Variants in ALOX12B observed in about 807,000 individuals in gnomAD.
The protein encoded by ALOX12B is arachidonate 12-lipoxygenase, 12R type.
In ALOX12B, 47 loss-of-function variants were observed where a neutral mutation model predicts 78.9. That is an observed-to-expected ratio of 0.60 (90% CI 0.47 to 0.76). The LOEUF is 0.76. Among genes scored for constraint, ALOX12B ranks in the 30% least tolerant of loss-of-function variants. ALOX12B has a pLI of 0.00. For missense variants in ALOX12B, 805 were observed against 922.6 expected (o/e 0.87, Z 1.65); for synonymous variants, 370 against 374.5 (o/e 0.99, Z 0.14).
chr17:8,073,561 G>A (rs972430701), intron 13 of ALOX12B, 96 bp downstream of exon 13: 35 of 1,212,936 alleles, frequency 2.9e-5, no homozygotes, highest in Non-Finnish European at 4.2e-5. Flanking sequence ...GCTGGACCAG[G>A]GATTATGGCT....
chr17:8,078,728 G>A (rs1021380611), intron 8 of ALOX12B, among the ~76,000 whole-genome samples: 4 of 152,044 alleles, frequency 2.6e-5, no homozygotes, highest in South Asian at 2.1e-4. Flanking sequence ...GCCTTGCAAG[G>A]TGCATCTCCA....
chr17:8,079,863 C>T lies in ALOX12B; in HGVS notation c.833G>A (p.Arg278His), dbSNP rs762160514. The T allele has an allele frequency of 6.2e-6, 10 of 1,613,464 alleles. No homozygotes were observed. In the East Asian group the frequency reaches 6.7e-5, roughly 11 times the overall value. The change falls in exon 7 of 15, where the codon CGC becomes CAC. Residue 278 changes from arginine (R) to histidine (H), a missense_variant. By Grantham distance (29) the Arg-to-His change is conservative. Transcript: ENST00000647874. This position sits in a 1 kb window ranked among gnomAD's most constrained non-coding sequence, Gnocchi z 6.4. ...CTTGTCTGGGATCCGCGTGCAGCGG[C>T]GGATCAGGCCGGGGTTGACGCCGTT... ...YLNGVNPGLI[R>H]RCTRIPDKFP...
chr17:8,086,920 T>C (rs1978300695), intron 1 of ALOX12B, among the ~76,000 whole-genome samples: 1 of 150,526 alleles, frequency 6.6e-6, no homozygotes, highest in African/African-American at 2.5e-5. Context: ...AGATGCAGGA[T>C]AGGCAGAGAC....
Position 8,086,116 on chromosome 17 carries a change from G to A in ALOX12B, c.252C>T (p.Cys84=). The A allele has an allele frequency of 6.2e-7, 1 of 1,614,192 alleles. No individual in the cohort carries two copies. Among genetic ancestry groups the A allele is most frequent in the Non-Finnish European group, 8.5e-7 (1 of 1,180,016 alleles). ...YAFFPKDPWY[C]NYVQICAPNG... The stretch of plus-strand genomic sequence containing the variant: ...TGGGGGCACAGATCTGCACATAGTT[G>A]CAGTACCAAGGGTCCTTGGGGAAGA... The change falls in exon 2 of 15, where the codon TGC becomes TGT. Residue 84 remains cysteine, a synonymous_variant. Transcript: ENST00000647874.
chr17:8,075,610 C>G lies in ALOX12B; in HGVS notation c.1639G>C (p.Gly547Arg), dbSNP rs374183106. ...VQEIFKECLL[G>R]RESSGFPRCL... Reference sequence around the variant, plus strand: ...AGGCCCATACCTGAGCTCTCCCGCCCCAGGAGGCACTCTTTAAATATTTCC... The same window carrying G: ...AGGCCCATACCTGAGCTCTCCCGCCGCAGGAGGCACTCTTTAAATATTTCC... The change falls in exon 12 of 15, where the codon GGG becomes CGG. Residue 547 changes from glycine (G) to arginine (R), a missense_variant. Physicochemically the swap from Gly to Arg is moderately radical, Grantham distance 125 (BLOSUM62 -2). Coordinates refer to ENST00000647874, the MANE Select transcript of ALOX12B (RefSeq NM_001139.3). 1.9e-6 allele frequency: 3 copies of G among 1,614,062 alleles called. No individual in the cohort carries two copies. The highest frequency in any genetic ancestry group is 2.7e-5 in the African/African-American group (2 of 74,922).
chr17:8,080,140 C>T lies in ALOX12B; in HGVS notation c.754+95G>A. The T allele has an allele frequency of 1.3e-6, 2 of 1,502,896 alleles. No homozygotes were observed. The highest frequency in any genetic ancestry group is 1.1e-5 in the South Asian group (1 of 88,586). 93.1% of individuals were successfully genotyped at this position (1,502,896 alleles called of 1,614,324 possible). On this transcript the variant is annotated intron_variant, in intron 6 of 14. Transcript: ENST00000647874. The surrounding 1 kb of genome is among the most constrained non-coding windows in gnomAD (Gnocchi z 4.8). The stretch of plus-strand genomic sequence containing the variant: ...AGAGGGCGCGCGCGCGCCTCGCTGC[C>T]TCTCCCGTCCCACTGCCCCGAAGTC...
intron 14 of ALOX12B, 45 bp downstream of exon 14, chr17:8,073,103 T>A (rs199517112): frequency 3.1e-6 from 5 of 1,612,972 alleles, no homozygotes; most frequent in Non-Finnish European, 4.2e-6. Context: ...ATCCCCGGCT[T>A]CTGGTCCCCT....
chr17:8,087,193 C>A (rs1054325053), intron 1 of ALOX12B, 103 bp downstream of exon 1: 4 of 1,531,956 alleles, frequency 2.6e-6, no homozygotes, highest in Non-Finnish European at 8.8e-7. Flanking sequence ...ACCTTCACCC[C>A]TCCCGGGGCC....
chr17:8,072,688 T>G lies in ALOX12B; in HGVS notation c.*83A>C, dbSNP rs772587268. ...TGTTTGGTGTTTTGGTCTCTGAGGTTTTTGTGTTTTTTGCTTGTTTGTTTT... is the reference window on the plus strand; with the variant it reads ...TGTTTGGTGTTTTGGTCTCTGAGGTGTTTGTGTTTTTTGCTTGTTTGTTTT... On this transcript the variant is annotated 3_prime_UTR_variant, in exon 15 of 15. Coordinates refer to ENST00000647874, the MANE Select transcript of ALOX12B (RefSeq NM_001139.3). 6.0e-5 allele frequency: 94 copies of G among 1,568,416 alleles called. No individual in the cohort carries two copies. Among genetic ancestry groups the G allele is most frequent in the Non-Finnish European group, 7.7e-5 (88 of 1,139,828 alleles).
At chr17:8,081,258 A>G in intron 2 of ALOX12B, 71 bp from the exon 3 acceptor site, 1 of 1,507,074 alleles carries the variant, frequency 6.6e-7, no homozygotes. Context: ...GCAGGAGTTC[A>G]GCTTCTGTGC....
At chr17:8,073,577 T>C (rs532901834) in intron 13 of ALOX12B, 80 bp downstream of exon 13, 1 of 1,323,574 alleles carries the variant, frequency 7.6e-7, no homozygotes, top group Non-Finnish European at 1.1e-6. Flanking sequence ...TGGCTGAGGC[T>C]GGGTTTGAGG....
In ALOX12B at chr17:8,079,441, C is replaced by G. The variant is rs970832830; in HGVS notation, c.1026G>C (p.Leu342=). ...RKQHHCAPLC[L]LHFGPEGKMM... ...TCTTGCCCTCGGGTCCAAAGTGCAGCAGGCAGAGGGGGGCGCAGTGGTGCT... is the reference window on the plus strand; with the variant it reads ...TCTTGCCCTCGGGTCCAAAGTGCAGGAGGCAGAGGGGGGCGCAGTGGTGCT... Residue 342 remains leucine, a synonymous_variant, in exon 8 of 15, where the codon CTG becomes CTC. Transcript: ENST00000647874. This position sits in a 1 kb window ranked among gnomAD's most constrained non-coding sequence, Gnocchi z 6.4. 2 of 1,551,210 alleles carry G rather than the reference C, an allele frequency of 1.3e-6. No individual in the cohort carries two copies. Among genetic ancestry groups the G allele is most frequent in the African/African-American group, 2.7e-5 (2 of 73,118 alleles).
Position 8,076,451 on chromosome 17 carries a change from C to T in ALOX12B, c.1363-107G>A. On this transcript the variant is annotated intron_variant, in intron 10 of 14. Coordinates refer to ENST00000647874, the MANE Select transcript of ALOX12B (RefSeq NM_001139.3). Reference sequence around the variant, plus strand: ...CCTGTAACCCCTGACCCAGCCCACCCCACCTCCAGGAACAATCCTGCTCTG... The same window carrying T: ...CCTGTAACCCCTGACCCAGCCCACCTCACCTCCAGGAACAATCCTGCTCTG... 3.6e-6 allele frequency: 5 copies of T among 1,407,930 alleles called. No individual in the cohort carries two copies. In the South Asian group the frequency reaches 5.2e-5, roughly 15 times the overall value. The allele number at this position is 1,407,930 out of a possible 1,614,324, so 87.2% of individuals were successfully genotyped here. A position where few individuals can be genotyped will look rare whatever the true frequency, so the allele number is the denominator to read the frequency against.
At chr17:8,076,914 C>T in intron 9 of ALOX12B, 76 bp downstream of exon 9, 1 of 1,514,942 alleles carries the variant, frequency 6.6e-7, no homozygotes, top group African/African-American at 1.4e-5. Flanking sequence ...TCTGACTGCT[C>T]AGTGGGCCTG....
chr17:8,073,093 A>G, intron 14 of ALOX12B, 55 bp downstream of exon 14: 1 of 1,611,382 alleles, frequency 6.2e-7, no homozygotes, highest in Non-Finnish European at 8.5e-7. Context: ...ATCCTCCCCC[A>G]TCCCCGGCTT....
chr17:8,079,294 T>C lies in ALOX12B; in HGVS notation c.1071+102A>G. On this transcript the variant is annotated intron_variant, in intron 8 of 14. Coordinates refer to ENST00000647874, the MANE Select transcript of ALOX12B (RefSeq NM_001139.3). This position sits in a 1 kb window ranked among gnomAD's most constrained non-coding sequence, Gnocchi z 6.4. ...TCTCTCAAGGATAACGAGAGACGGC[T>C]GAATACATGCAGGTCCACACGCTCA... 1 of 1,487,024 alleles carries C rather than the reference T, an allele frequency of 6.7e-7. No individual in the cohort carries two copies. Among genetic ancestry groups the C allele is most frequent in the South Asian group, 1.3e-5 (1 of 79,218 alleles). The allele number at this position is 1,487,024 out of a possible 1,614,324, so 92.1% of individuals were successfully genotyped here. A position where few individuals can be genotyped will look rare whatever the true frequency, so the allele number is the denominator to read the frequency against.
chr17:8,074,776 G>A (rs1266947899), intron 12 of ALOX12B, among the ~76,000 whole-genome samples: 1 of 152,180 alleles, frequency 6.6e-6, no homozygotes, highest in African/African-American at 2.4e-5. Context: ...CTAAGCTCCA[G>A]TTGCAGAGAA....
rs1326679552 is a variant in ALOX12B at position 8,079,778 on chromosome 17, C to G, written c.918G>C (p.Ala306=). The G allele has an allele frequency of 6.2e-7, 1 of 1,612,266 alleles. No individual in the cohort carries two copies. Among genetic ancestry groups the G allele is most frequent in the Admixed American group, 1.7e-5 (1 of 59,956 alleles). Residue 306 remains alanine (A), a synonymous_variant, in exon 7 of 15, where the codon GCG becomes GCC. Transcript: ENST00000647874. The surrounding 1 kb of genome is among the most constrained non-coding windows in gnomAD (Gnocchi z 6.4). ...CCGGAGCGGGCCTCACCTCCAGCTC[C>G]GCTTGCAAGCACGTTCCCTCGCCCA... The part of the protein sequence containing the change: ...PFLGEGTCLQ[A]ELEKGNIYLA...
At position 8,080,991 on chromosome 17, in the gene ALOX12B, G is replaced by A. The variant is rs1396134334; in HGVS notation, c.435-15C>T. Reference sequence around the variant, plus strand: ...AGACTCGCCAGCTGCAAGGGAAACCGAGATGTCACCCTCATGCCCGTGCAC... The same window carrying A: ...AGACTCGCCAGCTGCAAGGGAAACCAAGATGTCACCCTCATGCCCGTGCAC... On this transcript the variant is annotated splice_polypyrimidine_tract_variant and intron_variant, in intron 3 of 14. Transcript: ENST00000647874. This position sits in a 1 kb window ranked among gnomAD's most constrained non-coding sequence, Gnocchi z 4.8. The A allele has an allele frequency of 1.2e-6, 2 of 1,613,904 alleles. No individual in the cohort carries two copies. Among genetic ancestry groups the A allele is most frequent in the African/African-American group, 1.3e-5 (1 of 75,010 alleles).
Sources: allele counts gnomAD v4.1 joint callset (sites outside exome capture counted in the v4.1 genomes callset), GRCh38; gene constraint gnomAD v4.1.1; non-coding constraint Gnocchi (gnomAD v3.1); transcripts MANE v1.5; gene names NCBI Gene and HGNC (gene_info 2026-07-23, HGNC 2026-07-21).